The following ZNF658 variants were observed in gnomAD, a reference collection of about 807,000 sequenced individuals.
ZNF658 encodes zinc finger protein 658.
A neutral mutation model predicts 78.0 loss-of-function variants in ZNF658; 46 were observed. The ratio of observed to expected loss-of-function variants is 0.59; its 90% CI spans 0.47 to 0.75. ZNF658 has a LOEUF of 0.75. Ranked by LOEUF, ZNF658 falls within the 30% of genes least tolerant of loss-of-function variation. ZNF658 has a pLI of 0.00. For synonymous variants in ZNF658, 279 were observed against 408.4 expected, an observed-to-expected ratio of 0.68 and a Z score of 3.82; for missense variants, 785 against 1,189.3, an observed-to-expected ratio of 0.66 and a Z score of 5.00.
downstream of ZNF658, among the ~76,000 whole-genome samples, chr9:66,926,192 C>T (rs1439125186): frequency 8.0e-6 from 1 of 125,316 alleles, no homozygotes; most frequent in Non-Finnish European, 1.7e-5. Flanking sequence ...GGGATGTTCA[C>T]TTTTACCACT....
intron 3 of ZNF658, 34 bp from the exon 4 acceptor site, chr9:66,908,604 GT>G: frequency 6.4e-7 from 1 of 1,552,644 alleles, no homozygotes; most frequent in East Asian, 2.3e-5. Context: ...CCAAAAGCCT[GT>G]GAATCTGGTC....
intron 4 of ZNF658, among the ~76,000 whole-genome samples, chr9:66,915,085 A>G: frequency 6.6e-6 from 1 of 151,696 alleles, no homozygotes; most frequent in East Asian, 1.9e-4. Context: ...ACACACACAC[A>G]CACACACATA....
Position 66,918,366 on chromosome 9 carries a change from G to A in ZNF658, c.800G>A (p.Gly267Glu), listed in dbSNP as rs1822394558. 11 of 1,613,866 alleles carry A rather than the reference G, an allele frequency of 6.8e-6. No homozygotes were observed. The highest frequency in any genetic ancestry group is 5.3e-5 in the African/African-American group (4 of 74,996). Residue 267 changes from glycine to glutamate, a missense_variant, in exon 5 of 5, where the codon GGG becomes GAG. Gly to Glu is a moderately conservative substitution (Grantham distance 98). Transcript: ENST00000621410. The part of the protein sequence containing the change: ...LFNHMRTDTR[G>E]KCSDLNEYGT... ...AACCACATGAGAACTGACACAAGGG[G>A]GAAATGCTCTGATCTTAATGAATAT...
At chr9:66,915,132 C>A (rs1408998036) in intron 4 of ZNF658, among the ~76,000 whole-genome samples, 1 of 151,086 alleles carries the variant, frequency 6.6e-6, no homozygotes, top group East Asian at 2.0e-4. Flanking sequence ...CATTCTTAAG[C>A]CTTATTTACA....
At chr9:66,907,471 A>G (rs1269912840) in intron 2 of ZNF658, among the ~76,000 whole-genome samples, 1 of 152,018 alleles carries the variant, frequency 6.6e-6, no homozygotes. Flanking sequence ...TATGTAACTG[A>G]AACTCTGTGC....
At chr9:66,924,285 G>GT (rs1346005404), downstream of ZNF658, 1 of 444,258 alleles carries the variant, frequency 2.3e-6, no homozygotes, top group Non-Finnish European at 4.5e-6. Flanking sequence ...CAGTCGTAAG[G>GT]TCTCTGTTTT....
intron 6 of ZNF658, among the ~76,000 whole-genome samples, chr9:66,931,834 G>A (rs1354387229): frequency 1.4e-5 from 2 of 145,480 alleles, no homozygotes; most frequent in Admixed American, 1.4e-4. Flanking sequence ...CTGTGACATA[G>A]TCTATTGAAG....
At chr9:66,916,167 C>T (rs1197387993) in intron 4 of ZNF658, among the ~76,000 whole-genome samples, 6 of 152,070 alleles carry the variant, frequency 3.9e-5, no homozygotes, top group South Asian at 2.1e-4. Context: ...GGATTACAGG[C>T]GTGAGCCACC....
At chr9:66,922,280 C>A (rs1054540722), downstream of ZNF658, among the ~76,000 whole-genome samples, 3 of 151,774 alleles carry the variant, frequency 2.0e-5, no homozygotes, top group Non-Finnish European at 2.9e-5. Context: ...AAGGGAATTC[C>A]CTGGCCCCTT....
Position 66,919,446 on chromosome 9 carries a change from A to C in ZNF658, c.1880A>C (p.Glu627Ala), listed in dbSNP as rs1822442607. 2.5e-6 allele frequency: 4 copies of C among 1,604,908 alleles called. No individual in the cohort carries two copies. Among genetic ancestry groups the C allele is most frequent in the Non-Finnish European group, 3.4e-6 (4 of 1,177,812 alleles). Residue 627 changes from glutamate to alanine, a missense_variant, in exon 5 of 5, where the codon GAG becomes GCG. Coordinates refer to ENST00000621410, the MANE Select transcript of ZNF658 (RefSeq NM_033160.7). ...GCACATCATAGAATTCACACGGGGG[A>C]GAAACCTTATGAATGTAATGAATGT... ...LRAHHRIHTG[E>A]KPYECNECGR... is the part of the protein sequence containing the mutation.
intron 6 of ZNF658, among the ~76,000 whole-genome samples, chr9:66,930,752 T>C (rs1328330632): frequency 6.6e-6 from 1 of 151,878 alleles, no homozygotes; most frequent in Non-Finnish European, 1.5e-5. Context: ...TTTTCTTTCC[T>C]TTTCTTAACC....
intron 2 of ZNF658, among the ~76,000 whole-genome samples, chr9:66,905,461 T>G (rs1276336934): frequency 4.0e-5 from 6 of 151,330 alleles, no homozygotes; most frequent in African/African-American, 1.2e-4. Context: ...ATTTGTGGGG[T>G]TTTTTGGCCA....
intron 6 of ZNF658, among the ~76,000 whole-genome samples, chr9:66,927,083 G>C (rs1054338123): frequency 1.3e-5 from 2 of 152,120 alleles, no homozygotes; most frequent in Non-Finnish European, 2.9e-5. Flanking sequence ...TAAATGCAAG[G>C]TGAGACTGTA....
intron 3 of ZNF658, 29 bp downstream of exon 3, chr9:66,908,393 C>A (rs4339692): frequency 1.2e-6 from 2 of 1,613,722 alleles, no homozygotes; most frequent in African/African-American, 2.7e-5. Flanking sequence ...GGGGCTCTCT[C>A]GAGAATATAT....
chr9:66,929,547 G>T (rs139805221), intron 6 of ZNF658, among the ~76,000 whole-genome samples: 31 of 152,026 alleles, frequency 2.0e-4, no homozygotes, highest in African/African-American at 5.8e-4. Context: ...TTTCTTCCAG[G>T]ATGCAGGTTC....
rs141215431 is a variant in ZNF658 at position 66,918,727 on chromosome 9, G to A, written c.1161G>A (p.Gly387=). Residue 387 remains glycine (G), a synonymous_variant, in exon 5 of 5, where the codon GGG becomes GGA. Coordinates refer to ENST00000621410, the MANE Select transcript of ZNF658 (RefSeq NM_033160.7). ...AATTCTACCTTTCTGATGAACATGGGAAATGCAGAAAATCCTTTTACCGGA... is the reference window on the plus strand; with the variant it reads ...AATTCTACCTTTCTGATGAACATGGAAAATGCAGAAAATCCTTTTACCGGA... The part of the protein sequence containing the change: ...EDKFYLSDEH[G]KCRKSFYRKA... 1.2e-3 allele frequency: 1,919 copies of A among 1,613,938 alleles called. 8 individuals are homozygous for A. Among genetic ancestry groups the A allele is most frequent in the Non-Finnish European group, 1.5e-3 (1,819 of 1,179,862 alleles).
At chr9:66,908,924 A>G (rs952571426) in intron 4 of ZNF658, among the ~76,000 whole-genome samples, 190 bp downstream of exon 4, 1 of 152,192 alleles carries the variant, frequency 6.6e-6, no homozygotes, top group African/African-American at 2.4e-5. Context: ...GAAATATTGC[A>G]CTTTCATTCA....
chr9:66,910,822 A>T (rs1202286969), intron 4 of ZNF658, among the ~76,000 whole-genome samples: 6 of 137,518 alleles, frequency 4.4e-5, no homozygotes, highest in African/African-American at 1.4e-4. Flanking sequence ...AAAAAAAATC[A>T]GTAAAGTTGT....
At chr9:66,923,430 C>T (rs1234725590), downstream of ZNF658, among the ~76,000 whole-genome samples, 2 of 117,162 alleles carry the variant, frequency 1.7e-5, no homozygotes, top group East Asian at 4.8e-4. Flanking sequence ...CTCACAGATA[C>T]ATCCAGGAAC....
Sources: gnomAD v4.1 joint callset for allele counts (sites outside exome capture counted in the v4.1 genomes callset) on GRCh38, gnomAD v4.1.1 for gene constraint, MANE v1.5 for transcripts, NCBI Gene and HGNC (gene_info 2026-07-23, HGNC 2026-07-21) for gene names.